TMEM244: variants seen among roughly 807,000 people sequenced by gnomAD.
TMEM244 encodes putative transmembrane protein 244.
Under a neutral mutation model 15.8 loss-of-function variants are expected in TMEM244, and 13 were observed. The ratio of observed to expected loss-of-function variants is 0.82; its 90% CI spans 0.53 to 1.30. The LOEUF (loss-of-function observed/expected upper bound fraction) is 1.30, where lower values mean the gene tolerates loss of function less well. Among genes scored for constraint, TMEM244 ranks in the 50% most tolerant of loss-of-function variants. The probability of loss-of-function intolerance (pLI) is 0.00; values close to 1 mark genes in which losing one functional copy is unlikely to be tolerated. For missense variants in TMEM244, 161 were observed against 144.9 expected (o/e 1.11, Z -0.57); for synonymous variants, 45 against 48.7 (o/e 0.92, Z 0.32).
At chr6:129,843,952 A>C (rs1156879540) in intron 2 of TMEM244, among the ~76,000 whole-genome samples, 1 of 152,222 alleles carries the variant, frequency 6.6e-6, no homozygotes, top group African/African-American at 2.4e-5. Flanking sequence ...CCAAACCAGT[A>C]GTTCTTCAGA....
intron 1 of TMEM244, among the ~76,000 whole-genome samples, chr6:129,859,869 G>T (rs984208623): frequency 6.6e-6 from 1 of 152,120 alleles, no homozygotes; most frequent in Admixed American, 6.5e-5. Flanking sequence ...TAATTTATAA[G>T]CATATCAGTA....
chr6:129,847,387 A>G (rs1562199310), intron 1 of TMEM244, among the ~76,000 whole-genome samples: 3 of 152,222 alleles, frequency 2.0e-5, no homozygotes, highest in Non-Finnish European at 1.5e-5. Flanking sequence ...TGACCAATTC[A>G]CCAAACTGAC....
At chr6:129,849,399 C>G (rs142409886) in intron 1 of TMEM244, among the ~76,000 whole-genome samples, 36 of 152,274 alleles carry the variant, frequency 2.4e-4, no homozygotes, top group African/African-American at 8.7e-4. Context: ...TAACAATTTT[C>G]TAAAAAGCAA....
chr6:129,831,285 T>C lies in TMEM244; in HGVS notation c.*34A>G, dbSNP rs557706541. ...AAAATAAAATATATTTCCACAGTTA[T>C]TCTATTTAACATTATTTCTGTGCAT... On this transcript the variant is annotated 3_prime_UTR_variant, in exon 5 of 5. Transcript: ENST00000368143. 4.3e-6 allele frequency: 5 copies of C among 1,163,684 alleles called. No homozygotes were observed. Among genetic ancestry groups the C allele is most frequent in the African/African-American group, 1.5e-5 (1 of 66,916 alleles). The allele number at this position is 1,163,684 out of a possible 1,614,324, so 72.1% of individuals were successfully genotyped here. A position where few individuals can be genotyped will look rare whatever the true frequency, so the allele number is the denominator to read the frequency against.
chr6:129,832,093 CTTTTTT>C (rs1177577598), intron 4 of TMEM244, among the ~76,000 whole-genome samples: 1 of 114,164 alleles, frequency 8.8e-6, no homozygotes, highest in African/African-American at 3.3e-5. Context: ...ACAGATTGTA[CTTTTTT>C]TTTTTTTTTT....
chr6:129,855,813 A>G (rs1470776589), intron 1 of TMEM244, among the ~76,000 whole-genome samples: 2 of 152,140 alleles, frequency 1.3e-5, no homozygotes, highest in Non-Finnish European at 2.9e-5. Flanking sequence ...GGTGATATCT[A>G]CTAGATCTAT....
At chr6:129,852,943 G>T (rs1584191138) in intron 1 of TMEM244, among the ~76,000 whole-genome samples, 1 of 152,202 alleles carries the variant, frequency 6.6e-6, no homozygotes, top group Middle Eastern at 3.4e-3. Context: ...CCTGCAGAGG[G>T]TATTCAAGCT....
At chr6:129,835,779 C>T (rs1776396208) in intron 3 of TMEM244, among the ~76,000 whole-genome samples, 1 of 152,230 alleles carries the variant, frequency 6.6e-6, no homozygotes, top group Non-Finnish European at 1.5e-5. Context: ...GCAGGTCCCA[C>T]ACCCACGGAG....
intron 4 of TMEM244, 123 bp downstream of exon 4, chr6:129,833,337 A>G: frequency 9.1e-7 from 1 of 1,095,056 alleles, no homozygotes; most frequent in Non-Finnish European, 1.2e-6. Context: ...TTTCATCTTC[A>G]GTTTTTATCA....
intron 3 of TMEM244, among the ~76,000 whole-genome samples, chr6:129,837,698 C>A (rs945444912): frequency 6.6e-6 from 1 of 152,086 alleles, no homozygotes; most frequent in African/African-American, 2.4e-5. Context: ...TGCAAAGACG[C>A]ACATAGGCTC....
rs1008321393 is a variant in TMEM244, at chr6:129,849,271, C to T, written c.34-3419G>A. On this transcript the variant is annotated intron_variant, in intron 1 of 4. Coordinates refer to ENST00000368143, the MANE Select transcript of TMEM244 (RefSeq NM_001010876.2). ...AAAAGCAAGGCATAATTTTTGTAAACAATTTTTCTACCTGAATTATAAATC... is the reference window on the plus strand; with the variant it reads ...AAAAGCAAGGCATAATTTTTGTAAATAATTTTTCTACCTGAATTATAAATC... Among the ~76,000 whole-genome samples the T allele has an allele frequency of 3.9e-5, 6 of 152,088 alleles. No individual in the cohort carries two copies. In the East Asian group the frequency reaches 9.6e-4, roughly 24 times the overall value.
chr6:129,843,484 G>C, intron 3 of TMEM244, 46 bp downstream of exon 3: 1 of 1,319,226 alleles, frequency 7.6e-7, no homozygotes, highest in East Asian at 2.3e-5. Flanking sequence ...GGGGTTAGTG[G>C]CATTTAGTTC....
At chr6:129,841,177 T>C (rs1369853864) in intron 3 of TMEM244, among the ~76,000 whole-genome samples, 1 of 152,184 alleles carries the variant, frequency 6.6e-6, no homozygotes, top group African/African-American at 2.4e-5. Context: ...CCAACCCAAA[T>C]GTCCATCAAT....
rs369901389 is a variant in TMEM244 at position 129,845,786 on chromosome 6, T to G, written c.100A>C (p.Met34Leu). 11 of 1,612,618 alleles carry G rather than the reference T, an allele frequency of 6.8e-6. No homozygotes were observed. Among genetic ancestry groups the G allele is most frequent in the Non-Finnish European group, 9.3e-6 (11 of 1,179,498 alleles). ...FYTVYYVSLSMGCVMFEVHEL... is the reference protein window; with the variant it reads ...FYTVYYVSLSLGCVMFEVHEL... Reference sequence around the variant, plus strand: ...ACTTACTCAAACATCACGCAGCCCATGCTCAGGGACACATAGTACACAGTG... The same window carrying G: ...ACTTACTCAAACATCACGCAGCCCAGGCTCAGGGACACATAGTACACAGTG... Residue 34 changes from methionine (M) to leucine (L), a missense_variant, in exon 2 of 5, where the codon ATG becomes CTG. Met to Leu is a conservative substitution (Grantham distance 15, BLOSUM62 2). Transcript: ENST00000368143.
chr6:129,859,725 G>A (rs1012042074), intron 1 of TMEM244, among the ~76,000 whole-genome samples: 1 of 152,190 alleles, frequency 6.6e-6, no homozygotes, highest in African/African-American at 2.4e-5. Context: ...CCTTGAGTCA[G>A]CTTTTCTGTC....
chr6:129,852,911 C>A (rs1413539762), intron 1 of TMEM244, among the ~76,000 whole-genome samples: 1 of 152,126 alleles, frequency 6.6e-6, no homozygotes, highest in Non-Finnish European at 1.5e-5. Context: ...TCCCTCAAGA[C>A]CTGGTGCTCC....
At chr6:129,831,589 G>T in intron 4 of TMEM244, among the ~76,000 whole-genome samples, 1 of 152,126 alleles carries the variant, frequency 6.6e-6, no homozygotes, top group East Asian at 1.9e-4. Flanking sequence ...TCTTCTCCTA[G>T]AAATAATGCT....
intron 1 of TMEM244, among the ~76,000 whole-genome samples, chr6:129,849,539 G>GATGA (rs1419647323): frequency 1.8e-4 from 27 of 152,112 alleles, no homozygotes; most frequent in African/African-American, 5.8e-4. Context: ...ATTGGATGTG[G>GATGA]TCCAAGCCGT....
rs1259791061 is a variant in TMEM244 at position 129,833,531 on chromosome 6, G to A, written c.248C>T (p.Pro83Leu). 2 of 1,612,998 alleles carry A rather than the reference G, an allele frequency of 1.2e-6. No individual in the cohort carries two copies. The highest frequency in any genetic ancestry group is 1.1e-5 in the South Asian group (1 of 90,968). ...ATCCCAAACCCATTCTTCCACAACT[G>A]GAACAAAAAACAATCCACAAACAAA... ...TYFVCGLFFV[P>L]VVEEWVWDYA... Residue 83 changes from proline (P) to leucine (L), a missense_variant, in exon 4 of 5, where the codon CCA (proline) becomes CTA (leucine). By Grantham distance (98) the Pro-to-Leu change is moderately conservative. Transcript: ENST00000368143.
Sources: gnomAD v4.1 joint callset for allele counts (sites outside exome capture counted in the v4.1 genomes callset) on GRCh38, gnomAD v4.1.1 for gene constraint, MANE v1.5 for transcripts, NCBI Gene and HGNC (gene_info 2026-07-23, HGNC 2026-07-21) for gene names.